LATS2: variants seen among roughly 807,000 people sequenced by gnomAD.
LATS2 encodes the protein serine/threonine-protein kinase LATS2.
In LATS2, 24 loss-of-function variants were observed where a neutral mutation model predicts 76.0. That is an observed-to-expected ratio of 0.32 (90% confidence interval 0.23 to 0.44). The LOEUF (loss-of-function observed/expected upper bound fraction) is 0.44, where lower values mean the gene tolerates loss of function less well. Ranked by LOEUF, LATS2 falls within the 20% of genes least tolerant of loss-of-function variation. LATS2 has a pLI of 1.00. For synonymous variants in LATS2, 692 were observed against 635.4 expected (o/e 1.09, Z -1.34); for missense variants, 1,286 against 1,481.2 (o/e 0.87, Z 2.16).
chr13:20,981,865 A>C (rs1394820040), intron 5 of LATS2, among the ~76,000 whole-genome samples: 1 of 152,154 alleles, frequency 6.6e-6, no homozygotes. Context: ...GCTAGCACCA[A>C]GGTAGAAATG....
chr13:20,992,496 C>T (rs1257834142), intron 2 of LATS2, among the ~76,000 whole-genome samples: 1 of 152,128 alleles, frequency 6.6e-6, no homozygotes, highest in African/African-American at 2.4e-5. Flanking sequence ...CCCCCTTCAC[C>T]TTTCAGGACA....
chr13:20,983,140 A>G, intron 5 of LATS2, 84 bp downstream of exon 5: 1 of 883,294 alleles, frequency 1.1e-6, no homozygotes, highest in Admixed American at 2.3e-5. Flanking sequence ...ATTAGGAGCC[A>G]CTAGGATGGG....
At position 20,981,446 on chromosome 13, in the gene LATS2, G is replaced by A; in HGVS notation, c.2665+20C>T. 3 of 1,601,356 alleles carry A rather than the reference G, an allele frequency of 1.9e-6. No homozygotes were observed. The highest frequency in any genetic ancestry group is 1.3e-5 in the African/African-American group (1 of 74,800). ...AGGGAAGGAGACCTCCTGCGGGGTG[G>A]CTGGCCATGGCGCATGTACCTTTGC... On this transcript the variant is annotated intron_variant, in intron 6 of 7. Coordinates refer to ENST00000382592, the MANE Select transcript of LATS2 (RefSeq NM_014572.3).
At chr13:20,983,179 G>A (rs1290702114) in intron 5 of LATS2, 45 bp downstream of exon 5, 1 of 1,361,590 alleles carries the variant, frequency 7.3e-7, no homozygotes, top group African/African-American at 1.4e-5. Context: ...TGGGGTTAGT[G>A]ACATCTACAC....
rs773522644 is a variant in LATS2 at position 20,988,817 on chromosome 13, G to A, written c.963C>T (p.Ala321=). Residue 321 remains alanine (A), a synonymous_variant, in exon 4 of 8, where the codon GCC becomes GCT. Coordinates refer to ENST00000382592, the MANE Select transcript of LATS2 (RefSeq NM_014572.3). ...CATGCAGCTGGTGGGCCGCGGGACC[G>A]GCCTGCTTGTGGTGTGGGTGCGGCA... ...LYVPHPHHKQ[A]GPAAHQLHVL... 9 of 1,596,986 alleles carry A rather than the reference G, an allele frequency of 5.6e-6. No individual in the cohort carries two copies. Among genetic ancestry groups the A allele is most frequent in the Middle Eastern group, 1.7e-4 (1 of 6,010 alleles).
At chr13:21,042,398 TTTAA>T (rs1255016186) in intron 2 of LATS2, among the ~76,000 whole-genome samples, 2 of 152,236 alleles carry the variant, frequency 1.3e-5, no homozygotes, top group African/African-American at 4.8e-5. Flanking sequence ...TAAATTTTAC[TTTAA>T]TTAAAAGTTA....
At chr13:21,044,467 C>A (rs776273141) in intron 2 of LATS2, among the ~76,000 whole-genome samples, 1 of 152,174 alleles carries the variant, frequency 6.6e-6, no homozygotes, top group Non-Finnish European at 1.5e-5. Flanking sequence ...CTTATTTCCG[C>A]TTCATGCAAC....
chr13:21,037,613 A>C (rs1201480785), intron 2 of LATS2, among the ~76,000 whole-genome samples: 28 of 152,308 alleles, frequency 1.8e-4, no homozygotes, highest in Non-Finnish European at 1.3e-4. Flanking sequence ...ACTTAACAGC[A>C]GATTCTGATA....
intron 2 of LATS2, among the ~76,000 whole-genome samples, chr13:20,994,612 A>C (rs1870664289): frequency 6.6e-6 from 1 of 152,176 alleles, no homozygotes; most frequent in African/African-American, 2.4e-5. Context: ...TATGGAGACC[A>C]AGCTGGATGT....
chr13:21,034,759 G>A (rs1332693065), intron 2 of LATS2, among the ~76,000 whole-genome samples: 2 of 152,130 alleles, frequency 1.3e-5, no homozygotes, highest in African/African-American at 2.4e-5. Context: ...CTCGTTGCTG[G>A]GGGAGGATAC....
intron 1 of LATS2, among the ~76,000 whole-genome samples, chr13:21,051,865 GA>G (rs35102695): frequency 0.064 from 9,705 of 152,220 alleles, 930 homozygotes; most frequent in East Asian, 0.43. Flanking sequence ...GCTGAGGTGG[GA>G]GAATCACTTA....
rs2138270672 is a variant in LATS2, at chr13:20,981,490, C to T, written c.2641G>A (p.Ala881Thr). The T allele has an allele frequency of 6.2e-7, 1 of 1,613,832 alleles. No individual in the cohort carries two copies. Among genetic ancestry groups the T allele is most frequent in the Non-Finnish European group, 8.5e-7 (1 of 1,179,914 alleles). Residue 881 changes from alanine to threonine, a missense_variant, in exon 6 of 8, where the codon GCA becomes ACA. Physicochemically the swap from Ala to Thr is moderately conservative, Grantham distance 58. This residue lies in a region of LATS2 where 247 missense variants were observed against 385.4 expected (regional missense o/e 0.64). Transcript: ENST00000382592. ...CCTTTGCGGAGGAGCACCTCGGGTG[C>T]GATGTAGTTTGGAGTCCCCACCAGT... Reference protein sequence around the residue: ...HSLVGTPNYIAPEVLLRKGYT... With the variant: ...HSLVGTPNYITPEVLLRKGYT...
intron 2 of LATS2, among the ~76,000 whole-genome samples, chr13:21,035,025 G>A (rs1264709842): frequency 1.3e-5 from 2 of 151,954 alleles, no homozygotes; most frequent in East Asian, 1.9e-4. Flanking sequence ...GAGGCCAGGA[G>A]TTTCAGACCA....
At chr13:21,048,786 G>A (rs552484245) in intron 1 of LATS2, among the ~76,000 whole-genome samples, 40 of 152,060 alleles carry the variant, frequency 2.6e-4, no homozygotes, top group African/African-American at 9.2e-4. Context: ...GCAGTGAGCC[G>A]AGATCGCACC....
intron 4 of LATS2, among the ~76,000 whole-genome samples, chr13:20,984,258 A>G (rs1209114295): frequency 2.0e-5 from 3 of 152,188 alleles, no homozygotes; most frequent in Non-Finnish European, 4.4e-5. Flanking sequence ...ATATCCATAT[A>G]TAGACATGAA....
chr13:21,055,664 G>A (rs186417570), intron 1 of LATS2, among the ~76,000 whole-genome samples: 57 of 152,268 alleles, frequency 3.7e-4, no homozygotes, highest in African/African-American at 1.3e-3. Flanking sequence ...CACACTGGCT[G>A]CCAAACACAC....
intron 2 of LATS2, among the ~76,000 whole-genome samples, chr13:21,007,567 A>G (rs1417867530): frequency 1.1e-4 from 2 of 18,974 alleles, no homozygotes; most frequent in Non-Finnish European, 1.4e-4. Flanking sequence ...ATATATATAT[A>G]TATATATATA....
intron 2 of LATS2, chr13:21,005,252 ACTGT>A (rs1402331734): frequency 6.6e-6 from 1 of 152,346 alleles, no homozygotes; most frequent in East Asian, 1.9e-4. Flanking sequence ...GGCTCGAAAA[ACTGT>A]CTGGTGAACA....
chr13:21,025,313 A>G (rs1194337225), intron 2 of LATS2, among the ~76,000 whole-genome samples: 2 of 147,284 alleles, frequency 1.4e-5, no homozygotes, highest in Non-Finnish European at 3.0e-5. Context: ...AATCGCTTGA[A>G]CCCGGGAGGC....
Sources: gnomAD v4.1 joint callset for allele counts (sites outside exome capture counted in the v4.1 genomes callset) on GRCh38, gnomAD v4.1.1 for gene constraint, gnomAD v4.1.1 regional missense constraint, MANE v1.5 for transcripts, NCBI Gene and HGNC (gene_info 2026-07-23, HGNC 2026-07-21) for gene names.